The following GMDS variants were observed in gnomAD, a reference collection of about 807,000 sequenced individuals.
GMDS encodes the protein GDP-mannose 4,6-dehydratase.
A neutral mutation model predicts 49.9 loss-of-function variants in GMDS; 20 were observed. The ratio of observed to expected loss-of-function variants is 0.40; its 90% CI spans 0.28 to 0.58. The LOEUF (loss-of-function observed/expected upper bound fraction) is 0.58, where lower values mean the gene tolerates loss of function less well. GMDS is among the 20% of genes least tolerant of loss of function. GMDS has a pLI of 0.42. For synonymous variants in GMDS, 177 were observed against 178.6 expected, an observed-to-expected ratio of 0.99 and a Z score of 0.07; for missense variants, 362 against 481.4, an observed-to-expected ratio of 0.75 and a Z score of 2.32.
At chr6:2,075,761 G>A (rs1465807964) in intron 4 of GMDS, among the ~76,000 whole-genome samples, 2 of 152,060 alleles carry the variant, frequency 1.3e-5, no homozygotes, top group African/African-American at 4.8e-5. Context: ...TAATTCTTTG[G>A]GTATATACCC....
chr6:2,044,225 G>A (rs1769857769), intron 4 of GMDS, among the ~76,000 whole-genome samples: 1 of 152,184 alleles, frequency 6.6e-6, no homozygotes. Flanking sequence ...TATACCCAAA[G>A]AAATGTAAAT....
chr6:2,044,912 C>A (rs146866829), intron 4 of GMDS, among the ~76,000 whole-genome samples: 47 of 151,496 alleles, frequency 3.1e-4, no homozygotes, highest in Admixed American at 1.2e-3. Flanking sequence ...TTTTTTCAGG[C>A]CTTTGATAAC....
At chr6:2,197,513 G>C (rs1017377950) in intron 1 of GMDS, among the ~76,000 whole-genome samples, 9 of 152,158 alleles carry the variant, frequency 5.9e-5, no homozygotes, top group African/African-American at 2.2e-4. Flanking sequence ...TCAAGGGCCA[G>C]GTCTATAAAA....
At chr6:1,932,512 C>T (rs1762333940) in intron 6 of GMDS, among the ~76,000 whole-genome samples, 1 of 151,714 alleles carries the variant, frequency 6.6e-6, no homozygotes, top group Admixed American at 6.6e-5. Flanking sequence ...GGATAACTAG[C>T]CAAAATTAAC....
intron 1 of GMDS, among the ~76,000 whole-genome samples, chr6:2,184,889 G>A (rs1285316285): frequency 1.3e-5 from 2 of 152,174 alleles, no homozygotes; most frequent in African/African-American, 4.8e-5. Flanking sequence ...TTGCTCCAGT[G>A]TGCCACCAAG....
chr6:2,064,573 C>T (rs1771417368), intron 4 of GMDS, among the ~76,000 whole-genome samples: 1 of 152,106 alleles, frequency 6.6e-6, no homozygotes, highest in African/African-American at 2.4e-5. Context: ...AGGACCTCCT[C>T]CCCGATTCCC....
rs1263048020 is a variant in GMDS at position 2,144,458 on chromosome 6, C to T, written c.103-19727G>A. On this transcript the variant is annotated intron_variant, in intron 1 of 10. Coordinates refer to ENST00000380815, the MANE Select transcript of GMDS (RefSeq NM_001500.4). Reference sequence around the variant, plus strand: ...GAAAAACAAGGCGGGGCAGGGTGAACAGGTTAGGAGTGGCTAAGTTGAATA... The same window carrying T: ...GAAAAACAAGGCGGGGCAGGGTGAATAGGTTAGGAGTGGCTAAGTTGAATA... Among the ~76,000 whole-genome samples, 5 of 152,174 alleles carry T rather than the reference C, an allele frequency of 3.3e-5. No homozygotes were observed. The East Asian group carries it at 5.8e-4, about 18-fold the overall frequency.
At position 1,778,689 on chromosome 6, in the gene GMDS, T is replaced by G. The variant is rs1768944106; in HGVS notation, c.772-36103A>C. Among the ~76,000 whole-genome samples, 1 of 152,150 alleles carries G rather than the reference T, an allele frequency of 6.6e-6. No homozygotes were observed. The highest frequency in any genetic ancestry group is 2.4e-5 in the African/African-American group (1 of 41,414). ...TTGCCCCAAATCCATTATTTTTGTC[T>G]GTCACTGGAGGGAACTTTCCCTTCC... On this transcript the variant is annotated intron_variant, in intron 7 of 10. Coordinates refer to ENST00000380815, the MANE Select transcript of GMDS (RefSeq NM_001500.4). This position sits in a 1 kb window ranked among gnomAD's most constrained non-coding sequence, Gnocchi z 4.6.
chr6:1,677,035 C>G lies in GMDS; in HGVS notation c.987+49381G>C, dbSNP rs145599717. On this transcript the variant is annotated intron_variant, in intron 9 of 10. Coordinates refer to ENST00000380815, the MANE Select transcript of GMDS (RefSeq NM_001500.4). ...AAATGTTTGCAATCTACCCATCTGACAAAGGGCTAATATACAGAATCTACA... is the reference window on the plus strand; with the variant it reads ...AAATGTTTGCAATCTACCCATCTGAGAAAGGGCTAATATACAGAATCTACA... Among the ~76,000 whole-genome samples, 14 of 152,256 alleles carry G rather than the reference C, an allele frequency of 9.2e-5. No homozygotes were observed. The East Asian group carries it at 2.1e-3, about 23-fold the overall frequency.
Position 2,173,114 on chromosome 6 carries a change from G to T in GMDS, c.103-48383C>A, listed in dbSNP as rs751457551. Reference sequence around the variant, plus strand: ...CTAGTCTAATTAATGGATTAAAAAAGAAATCTGCACTTCTAGGTTATTTTA... The same window carrying T: ...CTAGTCTAATTAATGGATTAAAAAATAAATCTGCACTTCTAGGTTATTTTA... On this transcript the variant is annotated intron_variant, in intron 1 of 10. Transcript: ENST00000380815. Among the ~76,000 whole-genome samples the T allele has an allele frequency of 8.5e-4, 129 of 152,084 alleles. 2 individuals carry two copies. The Middle Eastern group carries it at 0.027, about 32-fold the overall frequency.
At chr6:2,210,689 G>A (rs1035403848) in intron 1 of GMDS, among the ~76,000 whole-genome samples, 1 of 152,176 alleles carries the variant, frequency 6.6e-6, no homozygotes, top group African/African-American at 2.4e-5. Flanking sequence ...GGGCAGTGGT[G>A]TCTCCTCCTG....
chr6:1,982,789 TG>T (rs1222795823), intron 4 of GMDS, among the ~76,000 whole-genome samples: 1 of 152,134 alleles, frequency 6.6e-6, no homozygotes, highest in Non-Finnish European at 1.5e-5. Context: ...ATCATGAAAA[TG>T]GCCACATTGC....
At chr6:2,177,157 C>G (rs1778320920) in intron 1 of GMDS, among the ~76,000 whole-genome samples, 1 of 152,048 alleles carries the variant, frequency 6.6e-6, no homozygotes. Context: ...CATTAAACCA[C>G]AGAGAGATTA....
chr6:2,094,194 T>C (rs1267898802), intron 4 of GMDS, among the ~76,000 whole-genome samples: 6 of 152,194 alleles, frequency 3.9e-5, no homozygotes, highest in Non-Finnish European at 8.8e-5. Context: ...AGACACACAC[T>C]GAGAAACATG....
At chr6:2,230,001 A>G (rs1399421104) in intron 1 of GMDS, among the ~76,000 whole-genome samples, 2 of 150,936 alleles carry the variant, frequency 1.3e-5, no homozygotes, top group Non-Finnish European at 2.9e-5. Context: ...AGGCTTTGCG[A>G]GACTCCTCTG....
At chr6:2,085,779 C>T (rs576801461) in intron 4 of GMDS, among the ~76,000 whole-genome samples, 5 of 152,118 alleles carry the variant, frequency 3.3e-5, no homozygotes, top group African/African-American at 9.7e-5. Context: ...CCACCTGCCT[C>T]GGCTTCCCAA....
intron 9 of GMDS, among the ~76,000 whole-genome samples, chr6:1,631,320 C>A (rs1762994155): frequency 1.3e-5 from 2 of 152,130 alleles, no homozygotes; most frequent in Admixed American, 6.5e-5. Context: ...AGCAAAGTAT[C>A]TCGGAGGTAA....
chr6:1,763,683 G>A (rs544039968), intron 7 of GMDS, among the ~76,000 whole-genome samples: 8 of 152,282 alleles, frequency 5.3e-5, no homozygotes, highest in South Asian at 2.1e-4. Context: ...ATGGATTTCC[G>A]GTTTGCCCAG....
chr6:2,057,608 C>T (rs1229220701), intron 4 of GMDS, among the ~76,000 whole-genome samples: 1 of 152,192 alleles, frequency 6.6e-6, no homozygotes, highest in African/African-American at 2.4e-5. Context: ...AATTAAACTG[C>T]ATCTCTTCCA....
Sources: allele counts gnomAD v4.1 joint callset (sites outside exome capture counted in the v4.1 genomes callset), GRCh38; gene constraint gnomAD v4.1.1; non-coding constraint Gnocchi (gnomAD v3.1); transcripts MANE v1.5; gene names NCBI Gene and HGNC (gene_info 2026-07-23, HGNC 2026-07-21).